Variants in TTL observed in about 807,000 individuals in gnomAD.
TTL encodes the protein tubulin tyrosine ligase.
TTL carries 10 observed loss-of-function variants against 41.1 expected under a neutral mutation model. The observed-to-expected ratio is 0.24, with a 90% CI of 0.15 to 0.41. TTL has a LOEUF of 0.41. Among genes scored for constraint, TTL ranks in the 10% least tolerant of loss-of-function variants. The pLI is 1.00. For missense variants in TTL, 367 were observed against 460.4 expected, an observed-to-expected ratio of 0.80 and a Z score of 1.86; for synonymous variants, 175 against 175.5, an observed-to-expected ratio of 1.00 and a Z score of 0.02.
rs1682573812 is a variant in TTL at position 112,535,043 on chromosome 2, AAG to A, written c.*6252_*6253del. On this transcript the variant is annotated 3_prime_UTR_variant, in exon 7 of 7. Transcript: ENST00000233336. ...GGGAGGGAAAGGAGGGAGGGAAGAA[AAG>A]AGAAAGATTGAGAAAGAAAAAAGAG... 1 of 151,842 alleles carries A rather than the reference AAG, an allele frequency of 6.6e-6. No homozygotes were observed. The highest frequency in any genetic ancestry group is 6.6e-5 in the Admixed American group (1 of 15,248). The allele number at this position is 151,842 out of a possible 1,614,324, so 9.4% of individuals were successfully genotyped here.
chr2:112,535,178 G>C lies in TTL; in HGVS notation c.*6383G>C, dbSNP rs1471945682. 1 of 152,096 alleles carries C rather than the reference G, an allele frequency of 6.6e-6. No individual in the cohort carries two copies. Among genetic ancestry groups the C allele is most frequent in the East Asian group, 1.9e-4 (1 of 5,200 alleles). 9.4% of individuals were successfully genotyped at this position (152,096 alleles called of 1,614,324 possible). On this transcript the variant is annotated 3_prime_UTR_variant, in exon 7 of 7. Transcript: ENST00000233336. The stretch of plus-strand genomic sequence containing the variant: ...AAATGCAAATGAAAGATTTACTTGA[G>C]AAGTTTAAAAAATGTGTGAACTGGT...
Position 112,536,727 on chromosome 2 carries a change from T to G in TTL, c.*7932T>G, listed in dbSNP as rs1486238980. Reference sequence around the variant, plus strand: ...CTTTAGTGTCTCTTGTTGCCATTTTTGTGTCCATGTGTATCTAATGTTTGG... The same window carrying G: ...CTTTAGTGTCTCTTGTTGCCATTTTGGTGTCCATGTGTATCTAATGTTTGG... On this transcript the variant is annotated 3_prime_UTR_variant, in exon 7 of 7. Transcript: ENST00000233336. The G allele has an allele frequency of 6.6e-6, 1 of 152,202 alleles. No homozygotes were observed. Among genetic ancestry groups the G allele is most frequent in the Non-Finnish European group, 1.5e-5 (1 of 68,042 alleles). 9.4% of individuals were successfully genotyped at this position (152,202 alleles called of 1,614,324 possible). A position where few individuals can be genotyped will look rare whatever the true frequency, so the allele number is the denominator to read the frequency against.
intron 1 of TTL, among the ~76,000 whole-genome samples, chr2:112,484,920 G>A (rs1559008844): frequency 6.6e-6 from 1 of 152,188 alleles, no homozygotes; most frequent in African/African-American, 2.4e-5. Context: ...AATACAGTGT[G>A]TTTTATTAAG....
chr2:112,525,144 G>A (rs1030857896), intron 6 of TTL, among the ~76,000 whole-genome samples: 1 of 151,712 alleles, frequency 6.6e-6, no homozygotes, highest in African/African-American at 2.4e-5. Flanking sequence ...TGTTCCATTG[G>A]TCTATATCTC....
Position 112,531,964 on chromosome 2 carries a change from A to T in TTL, c.*3169A>T, listed in dbSNP as rs1682519277. On this transcript the variant is annotated 3_prime_UTR_variant, in exon 7 of 7. Transcript: ENST00000233336. ...TCCCCAAAACTCAACTCCTATGGCA[A>T]TTATGAACTCCATTTTACCAAGAAC... 1.3e-5 allele frequency: 3 copies of T among 226,170 alleles called. No individual in the cohort carries two copies. The highest frequency in any genetic ancestry group is 2.6e-5 in the Non-Finnish European group (3 of 113,840). 14.0% of individuals were successfully genotyped at this position (226,170 alleles called of 1,614,324 possible).
chr2:112,488,293 A>G (rs1278316291), intron 2 of TTL, among the ~76,000 whole-genome samples: 2 of 152,212 alleles, frequency 1.3e-5, no homozygotes, highest in Non-Finnish European at 2.9e-5. Flanking sequence ...CCCATGAGGA[A>G]ATGGGACAAA....
At chr2:112,496,665 CTG>C (rs10635241) in intron 3 of TTL, among the ~76,000 whole-genome samples, 21,740 of 105,834 alleles carry the variant, frequency 0.21, 1,796 homozygotes, top group South Asian at 0.21. Context: ...ATATATGTGT[CTG>C]TGTGTGTGTG....
chr2:112,499,378 T>G (rs2104456346), intron 3 of TTL, among the ~76,000 whole-genome samples: 1 of 152,264 alleles, frequency 6.6e-6, no homozygotes, highest in Non-Finnish European at 1.5e-5. Context: ...GCCCATCTGA[T>G]ATTTGAAAAA....
chr2:112,498,423 A>G (rs1438414397), intron 3 of TTL, among the ~76,000 whole-genome samples: 1 of 152,206 alleles, frequency 6.6e-6, no homozygotes, highest in Non-Finnish European at 1.5e-5. Flanking sequence ...TCTGTGTGCT[A>G]AAAATAGTAA....
At position 112,482,209 on chromosome 2, in the gene TTL, A is replaced by C. The variant is rs1471648785; in HGVS notation, c.-136A>C. ...CCGGGCGCGGCGCCGCCGGCACCCG[A>C]GAGGCGCGGTAGCCGGCGCGGGCGG... On this transcript the variant is annotated 5_prime_UTR_variant, in exon 1 of 7. Coordinates refer to ENST00000233336, the MANE Select transcript of TTL (RefSeq NM_153712.5). This position sits in a 1 kb window ranked among gnomAD's most constrained non-coding sequence, Gnocchi z 5.3. 8 of 453,344 alleles carry C rather than the reference A, an allele frequency of 1.8e-5. No individual in the cohort carries two copies. The highest frequency in any genetic ancestry group is 2.0e-5 in the Non-Finnish European group (7 of 349,212). 28.1% of individuals were successfully genotyped at this position (453,344 alleles called of 1,614,324 possible).
intron 2 of TTL, among the ~76,000 whole-genome samples, chr2:112,491,453 A>G (rs371387625): frequency 6.6e-6 from 1 of 152,208 alleles, no homozygotes; most frequent in Non-Finnish European, 1.5e-5. Context: ...TTTTGAGTCA[A>G]TCTTTGATAT....
At chr2:112,528,637 CT>C in intron 6 of TTL, 43 bp from the exon 7 acceptor site, 1 of 1,531,448 alleles carries the variant, frequency 6.5e-7, no homozygotes, top group East Asian at 2.3e-5. Flanking sequence ...TTTGCTTGTA[CT>C]TTGATGAACA....
rs1483986819 is a variant in TTL at position 112,497,965 on chromosome 2, A to G, written c.470-3241A>G. The stretch of plus-strand genomic sequence containing the variant: ...AGCCATGTTACGGGATATGAGAGCA[A>G]CACACAAAACTTAATCACATTTTTA... On this transcript the variant is annotated intron_variant, in intron 3 of 6. Coordinates refer to ENST00000233336, the MANE Select transcript of TTL (RefSeq NM_153712.5). Among the ~76,000 whole-genome samples, 4 of 152,360 alleles carry G rather than the reference A, an allele frequency of 2.6e-5. No individual in the cohort carries two copies. In the South Asian group the frequency reaches 8.3e-4, roughly 32 times the overall value.
intron 6 of TTL, 134 bp downstream of exon 6, chr2:112,520,559 C>A (rs1312103879): frequency 8.1e-7 from 1 of 1,239,338 alleles, no homozygotes; most frequent in Non-Finnish European, 1.1e-6. Flanking sequence ...CTTGGGAGGA[C>A]TCTATCTGGC....
At chr2:112,527,946 G>A (rs796240489) in intron 6 of TTL, among the ~76,000 whole-genome samples, 8 of 152,300 alleles carry the variant, frequency 5.3e-5, no homozygotes, top group African/African-American at 1.9e-4. Flanking sequence ...TGCAGTGGCT[G>A]GTACCAGTTG....
At position 112,482,273 on chromosome 2, in the gene TTL, C is replaced by T. The variant is rs1681107489; in HGVS notation, c.-72C>T. 9.0e-7 allele frequency: 1 copy of T among 1,106,482 alleles called. No homozygotes were observed. The allele number at this position is 1,106,482 out of a possible 1,614,324, so 68.5% of individuals were successfully genotyped here. A position where few individuals can be genotyped will look rare whatever the true frequency, so the allele number is the denominator to read the frequency against. On this transcript the variant is annotated 5_prime_UTR_variant, in exon 1 of 7. Coordinates refer to ENST00000233336, the MANE Select transcript of TTL (RefSeq NM_153712.5). The surrounding 1 kb of genome is among the most constrained non-coding windows in gnomAD (Gnocchi z 5.3). Reference sequence around the variant, plus strand: ...GCGGCGGGCGCCCGGGCGGGGTCCGCGCTGAGCCGCCTTCTCGGCCGCCTG... The same window carrying T: ...GCGGCGGGCGCCCGGGCGGGGTCCGTGCTGAGCCGCCTTCTCGGCCGCCTG...
Position 112,494,149 on chromosome 2 carries a change from C to G in TTL, c.243C>G (p.Ile81Met). Residue 81 changes from isoleucine (I) to methionine (M), a missense_variant, in exon 3 of 7, where the codon ATC becomes ATG. By Grantham distance (10) the Ile-to-Met change is conservative. Transcript: ENST00000233336. ...LCRKASLVKL[I>M]KTSPELAESC... is the part of the protein sequence containing the mutation. ...CTCTTCTGTCATCTGCCAGGCTAAT[C>G]AAGACAAGCCCTGAACTGGCTGAGT... 3 of 1,613,806 alleles carry G rather than the reference C, an allele frequency of 1.9e-6. No homozygotes were observed. Among genetic ancestry groups the G allele is most frequent in the Non-Finnish European group, 2.5e-6 (3 of 1,179,830 alleles).
chr2:112,519,492 T>TAAATTAATG (rs1197273294), intron 5 of TTL, among the ~76,000 whole-genome samples: 1 of 152,180 alleles, frequency 6.6e-6, no homozygotes, highest in East Asian at 1.9e-4. Flanking sequence ...TCTTAAATCT[T>TAAATTAATG]GTAATTAGCA....
At chr2:112,514,773 G>A (rs1682021157) in intron 5 of TTL, among the ~76,000 whole-genome samples, 1 of 152,140 alleles carries the variant, frequency 6.6e-6, no homozygotes, top group Admixed American at 6.6e-5. Context: ...AATATTCATG[G>A]ACATTATACT....
Sources: allele counts gnomAD v4.1 joint callset (sites outside exome capture counted in the v4.1 genomes callset), GRCh38; gene constraint gnomAD v4.1.1; non-coding constraint Gnocchi (gnomAD v3.1); transcripts MANE v1.5; gene names NCBI Gene and HGNC (gene_info 2026-07-23, HGNC 2026-07-21).